Variants in COBL observed in about 807,000 individuals in gnomAD.
The protein encoded by COBL is protein cordon-bleu.
A neutral mutation model predicts 98.8 loss-of-function variants in COBL; 51 were observed. The ratio of observed to expected loss-of-function variants is 0.52; its 90% CI spans 0.41 to 0.65. The LOEUF (loss-of-function observed/expected upper bound fraction) is 0.65. Ranked by LOEUF, COBL falls within the 30% of genes least tolerant of loss-of-function variation. COBL has a pLI of 0.00. For synonymous variants in COBL, 634 were observed against 651.7 expected (o/e 0.97, Z 0.41); for missense variants, 1,617 against 1,617.5 (o/e 1.00, Z 0.01).
At chr7:51,024,105 C>T (rs1214219182) in intron 12 of COBL, among the ~76,000 whole-genome samples, 2 of 152,096 alleles carry the variant, frequency 1.3e-5, no homozygotes, top group East Asian at 1.9e-4. Context: ...GTCAGGAGAT[C>T]GAGACCATCC....
intron 6 of COBL, among the ~76,000 whole-genome samples, chr7:51,099,170 A>G (rs1346240307): frequency 1.3e-5 from 2 of 152,168 alleles, no homozygotes; most frequent in African/African-American, 4.8e-5. Flanking sequence ...GTTAGTAGGA[A>G]TGTGGAATGA....
intron 7 of COBL, among the ~76,000 whole-genome samples, chr7:51,051,396 ATTTG>A (rs757239322): frequency 2.0e-5 from 3 of 152,142 alleles, no homozygotes; most frequent in South Asian, 4.1e-4. Context: ...TTTGATGCTT[ATTTG>A]TTTTTCAATA....
intron 1 of COBL, among the ~76,000 whole-genome samples, chr7:51,221,271 CCAAAGG>C (rs765005837): frequency 3.3e-5 from 5 of 152,072 alleles, no homozygotes; most frequent in Non-Finnish European, 7.3e-5. Flanking sequence ...GAGTGGTCTT[CCAAAGG>C]CATTTGGCAT....
At position 51,037,296 on chromosome 7, in the gene COBL, G is replaced by A. The variant is rs549999493; in HGVS notation, c.1406+6087C>T. Among the ~76,000 whole-genome samples the A allele has an allele frequency of 6.6e-5, 10 of 152,290 alleles. 1 individual carries two copies. The highest frequency in any genetic ancestry group is 2.6e-4 in the Admixed American group (4 of 15,304). On this transcript the variant is annotated intron_variant, in intron 8 of 12. Coordinates refer to ENST00000265136, the MANE Select transcript of COBL (RefSeq NM_015198.5). ...CTACCAATTGTTGAAGGCTAGCAATGTATCAGGCACTATTGTAAGGAGGAG... is the reference window on the plus strand; with the variant it reads ...CTACCAATTGTTGAAGGCTAGCAATATATCAGGCACTATTGTAAGGAGGAG...
chr7:51,177,599 C>CCCA (rs921115383), intron 5 of COBL, among the ~76,000 whole-genome samples: 6 of 151,470 alleles, frequency 4.0e-5, no homozygotes, highest in Non-Finnish European at 7.4e-5. Flanking sequence ...CATGTGAAAC[C>CCCA]CCACCTCTAC....
At chr7:51,146,777 G>A (rs1238013282) in intron 5 of COBL, among the ~76,000 whole-genome samples, 1 of 152,154 alleles carries the variant, frequency 6.6e-6, no homozygotes, top group African/African-American at 2.4e-5. Flanking sequence ...GAGTCGCAAG[G>A]AATACGGGAT....
chr7:51,114,052 G>C (rs1186314557), intron 6 of COBL, among the ~76,000 whole-genome samples: 1 of 152,202 alleles, frequency 6.6e-6, no homozygotes, highest in Non-Finnish European at 1.5e-5. Context: ...CCAACACTCT[G>C]AACTGCTGTG....
chr7:51,215,949 C>G (rs1044306703), intron 2 of COBL, among the ~76,000 whole-genome samples: 1 of 152,238 alleles, frequency 6.6e-6, no homozygotes, highest in Non-Finnish European at 1.5e-5. Flanking sequence ...ACCTAAAACT[C>G]CCTGCACAGG....
At chr7:51,258,682 A>G (rs1797415685) in intron 1 of COBL, among the ~76,000 whole-genome samples, 1 of 152,244 alleles carries the variant, frequency 6.6e-6, no homozygotes, top group African/African-American at 2.4e-5. Flanking sequence ...AATTTACTGC[A>G]GTGTGGCACT....
At chr7:51,285,094 G>A (rs915566551) in intron 1 of COBL, among the ~76,000 whole-genome samples, 7 of 151,786 alleles carry the variant, frequency 4.6e-5, no homozygotes, top group African/African-American at 7.3e-5. Context: ...AAACAGGAGC[G>A]TGCCAGCACA....
At chr7:51,098,120 C>T (rs1216233434) in intron 6 of COBL, among the ~76,000 whole-genome samples, 2 of 149,770 alleles carry the variant, frequency 1.3e-5, no homozygotes, top group Non-Finnish European at 3.0e-5. Flanking sequence ...AGAGAAGACA[C>T]AATAAATATT....
At chr7:51,108,230 T>C (rs1193811671) in intron 6 of COBL, among the ~76,000 whole-genome samples, 5 of 152,190 alleles carry the variant, frequency 3.3e-5, no homozygotes, top group Admixed American at 1.3e-4. Context: ...ACTCTCCTGG[T>C]GGCATGAGTG....
intron 7 of COBL, among the ~76,000 whole-genome samples, chr7:51,061,232 G>T (rs1290904450): frequency 6.6e-6 from 1 of 151,198 alleles, no homozygotes; most frequent in East Asian, 1.9e-4. Flanking sequence ...GAATATGTTT[G>T]TGTGTGTGTG....
intron 5 of COBL, among the ~76,000 whole-genome samples, chr7:51,165,861 T>A (rs1005368356): frequency 5.3e-5 from 8 of 151,960 alleles, no homozygotes; most frequent in Non-Finnish European, 1.5e-5. Context: ...TGCTCCTGAA[T>A]TACCACTGGG....
intron 1 of COBL, among the ~76,000 whole-genome samples, chr7:51,291,822 T>C (rs187716474): frequency 2.6e-5 from 4 of 151,410 alleles, no homozygotes; most frequent in East Asian, 3.9e-4. Context: ...AATGAAAAGA[T>C]AGAATGGGGA....
At chr7:51,096,171 T>C (rs1388309985) in intron 6 of COBL, among the ~76,000 whole-genome samples, 1 of 152,150 alleles carries the variant, frequency 6.6e-6, no homozygotes, top group Non-Finnish European at 1.5e-5. Context: ...ATATCTTTTC[T>C]GACTATAAAT....
chr7:51,165,574 C>A (rs1787232319), intron 5 of COBL, among the ~76,000 whole-genome samples: 1 of 151,886 alleles, frequency 6.6e-6, no homozygotes, highest in Non-Finnish European at 1.5e-5. Context: ...CAAAAAGCAA[C>A]AAAGAAACAT....
At chr7:51,125,918 A>C (rs543507251) in intron 6 of COBL, among the ~76,000 whole-genome samples, 1 of 152,294 alleles carries the variant, frequency 6.6e-6, no homozygotes, top group South Asian at 2.1e-4. Context: ...GAATCTTTCC[A>C]TTTTTCAGCT....
At chr7:51,137,838 C>T (rs779099976) in intron 5 of COBL, among the ~76,000 whole-genome samples, 1 of 152,116 alleles carries the variant, frequency 6.6e-6, no homozygotes, top group Non-Finnish European at 1.5e-5. Context: ...GGTCACTATG[C>T]TTTCATATTT....
Sources: gnomAD v4.1 joint callset for allele counts (sites outside exome capture counted in the v4.1 genomes callset) on GRCh38, gnomAD v4.1.1 for gene constraint, MANE v1.5 for transcripts, NCBI Gene and HGNC (gene_info 2026-07-23, HGNC 2026-07-21) for gene names.